The following JPH3 variants were observed in gnomAD, a reference collection of about 807,000 sequenced individuals.
JPH3 encodes junctophilin-3.
A neutral mutation model predicts 59.6 loss-of-function variants in JPH3; 11 were observed. That is an observed-to-expected ratio of 0.18 (90% CI 0.12 to 0.31). The LOEUF is 0.31. Among genes scored for constraint, JPH3 ranks in the 10% least tolerant of loss-of-function variants. JPH3 has a pLI of 1.00. For synonymous variants in JPH3, 673 were observed against 483.6 expected (o/e 1.39, Z -5.14); for missense variants, 1,202 against 1,105.7 (o/e 1.09, Z -1.24).
intron 2 of JPH3, among the ~76,000 whole-genome samples, chr16:87,656,261 A>G (rs956402443): frequency 9.2e-5 from 14 of 152,330 alleles, no homozygotes; most frequent in Admixed American, 6.5e-4. Context: ...CCGAACCCTC[A>G]GCTGGAGTCA....
chr16:87,621,635 G>C (rs11866274), intron 1 of JPH3, among the ~76,000 whole-genome samples: 48,633 of 152,136 alleles, frequency 0.32, 8,087 homozygotes, highest in African/African-American at 0.37. Flanking sequence ...GTGGATGCAG[G>C]CAGCCAAGCC....
chr16:87,614,440 T>C (rs2030864118), intron 1 of JPH3, among the ~76,000 whole-genome samples: 1 of 149,550 alleles, frequency 6.7e-6, no homozygotes, highest in Non-Finnish European at 1.5e-5. Context: ...CAGGAGGAGC[T>C]GTGCGTCCCC....
intron 4 of JPH3, among the ~76,000 whole-genome samples, chr16:87,691,090 C>G (rs1044193017): frequency 6.6e-6 from 1 of 151,408 alleles, no homozygotes; most frequent in Non-Finnish European, 1.5e-5. Flanking sequence ...CCCAGCACCC[C>G]CCCCCCAAAT....
intron 2 of JPH3, among the ~76,000 whole-genome samples, chr16:87,649,284 C>T (rs918421130): frequency 6.6e-6 from 1 of 152,220 alleles, no homozygotes; most frequent in African/African-American, 2.4e-5. Context: ...TGTCGCCTAG[C>T]AGTGCACCAC....
chr16:87,641,847 G>A (rs925908125), intron 1 of JPH3, among the ~76,000 whole-genome samples: 1 of 152,380 alleles, frequency 6.6e-6, no homozygotes, highest in East Asian at 1.9e-4. Flanking sequence ...CCCTCTGGGG[G>A]CTCGTGATGT....
intron 4 of JPH3, chr16:87,693,680 A>C (rs1267061166): frequency 6.6e-6 from 1 of 152,366 alleles, no homozygotes; most frequent in South Asian, 2.1e-4. Context: ...CCATCTCAAA[A>C]GTTTCTCAAG....
intron 1 of JPH3, chr16:87,604,844 G>A: frequency 2.5e-6 from 1 of 394,066 alleles, no homozygotes; most frequent in South Asian, 2.0e-5. Context: ...TCAAAGCCGT[G>A]CCCAGCCCCG....
chr16:87,619,684 G>C (rs949024123), intron 1 of JPH3, among the ~76,000 whole-genome samples: 1 of 152,212 alleles, frequency 6.6e-6, no homozygotes, highest in Non-Finnish European at 1.5e-5. Context: ...CACGGAGTCT[G>C]GGGGGATGTT....
intron 2 of JPH3, among the ~76,000 whole-genome samples, chr16:87,666,736 C>T (rs183497612): frequency 6.9e-4 from 105 of 152,282 alleles, no homozygotes; most frequent in African/African-American, 2.4e-3. Flanking sequence ...GCATGGCCAC[C>T]TGATGGATAA....
chr16:87,629,999 T>G (rs1194048585), intron 1 of JPH3, among the ~76,000 whole-genome samples: 1 of 152,074 alleles, frequency 6.6e-6, no homozygotes, highest in African/African-American at 2.4e-5. Flanking sequence ...AAAGAAAAAG[T>G]TAAAAAAAGA....
chr16:87,679,469 G>T (rs938161264), intron 2 of JPH3, among the ~76,000 whole-genome samples: 50 of 152,286 alleles, frequency 3.3e-4, no homozygotes, highest in African/African-American at 1.2e-3. Context: ...CTTCCATCCT[G>T]GCACCGGCAG....
intron 2 of JPH3, among the ~76,000 whole-genome samples, chr16:87,646,308 G>A (rs2032148454): frequency 6.6e-6 from 1 of 152,188 alleles, no homozygotes; most frequent in Non-Finnish European, 1.5e-5. Flanking sequence ...TGTTGCTCGC[G>A]ACTTCTATTG....
intron 2 of JPH3, among the ~76,000 whole-genome samples, chr16:87,677,217 CACACACACAA>C (rs1311344399): frequency 4.1e-5 from 5 of 122,454 alleles, no homozygotes; most frequent in East Asian, 2.7e-4. Context: ...CACACACACA[CACACACACAA>C]AAAAAAAAAT....
chr16:87,672,678 C>G (rs1308112887), intron 2 of JPH3, among the ~76,000 whole-genome samples: 1 of 152,246 alleles, frequency 6.6e-6, no homozygotes, highest in Non-Finnish European at 1.5e-5. Flanking sequence ...CGTAGACCAC[C>G]AGAGCAGGGT....
At chr16:87,626,826 A>G (rs1025175332) in intron 1 of JPH3, among the ~76,000 whole-genome samples, 14 of 152,196 alleles carry the variant, frequency 9.2e-5, no homozygotes, top group African/African-American at 2.9e-4. Context: ...TTCAGCAGCA[A>G]GAGTGTTGGT....
chr16:87,688,283 G>A (rs1567615152), intron 3 of JPH3, among the ~76,000 whole-genome samples: 1 of 152,190 alleles, frequency 6.6e-6, no homozygotes, highest in African/African-American at 2.4e-5. Context: ...CCCCAGGCCA[G>A]GGCCATGGCC....
chr16:87,619,607 A>T (rs905145438), intron 1 of JPH3, among the ~76,000 whole-genome samples: 4 of 152,142 alleles, frequency 2.6e-5, no homozygotes, highest in African/African-American at 9.7e-5. Context: ...TCCGGCTGTC[A>T]CTATCTGGCT....
rs574449657 is a variant in JPH3, at chr16:87,689,075, C to T, written c.1286-571C>T. 2.6e-5 allele frequency among the ~76,000 whole-genome samples: 4 copies of T among 152,284 alleles called. No homozygotes were observed. In the East Asian group the frequency reaches 5.8e-4, roughly 22 times the overall value. Reference sequence around the variant, plus strand: ...GTGGTGACCTCCCCTTCCGGGGAGCCCCGCCCTAGGACTTGAAGCCCCAGC... The same window carrying T: ...GTGGTGACCTCCCCTTCCGGGGAGCTCCGCCCTAGGACTTGAAGCCCCAGC... On this transcript the variant is annotated intron_variant, in intron 3 of 4. Coordinates refer to ENST00000284262, the MANE Select transcript of JPH3 (RefSeq NM_020655.4).
rs1397681858 is a variant in JPH3, at chr16:87,696,921, T to C, written c.*261T>C. The C allele has an allele frequency of 5.2e-5, 24 of 460,998 alleles. No individual in the cohort carries two copies. The highest frequency in any genetic ancestry group is 1.0e-4 in the Admixed American group (3 of 29,484). The allele number at this position is 460,998 out of a possible 1,614,324, so 28.6% of individuals were successfully genotyped here. ...CAGAAGGAGGCCAGCACGCAGCCCCTCCAGCTCCACGTGGAGACAGAAGGG... is the reference window on the plus strand; with the variant it reads ...CAGAAGGAGGCCAGCACGCAGCCCCCCCAGCTCCACGTGGAGACAGAAGGG... On this transcript the variant is annotated 3_prime_UTR_variant, in exon 5 of 5. Transcript: ENST00000284262.
Sources: gnomAD v4.1 joint callset for allele counts (sites outside exome capture counted in the v4.1 genomes callset) on GRCh38, gnomAD v4.1.1 for gene constraint, MANE v1.5 for transcripts, NCBI Gene and HGNC (gene_info 2026-07-23, HGNC 2026-07-21) for gene names.